The following ERI3 variants were observed in gnomAD, a reference collection of about 807,000 sequenced individuals.
ERI3 encodes ERI1 exoribonuclease 3.
Under a neutral mutation model 44.4 loss-of-function variants are expected in ERI3, and 18 were observed. The observed-to-expected ratio is 0.41, with a 90% CI of 0.28 to 0.60. The LOEUF is 0.60. Ranked by LOEUF, ERI3 falls within the 20% of genes least tolerant of loss-of-function variation. The pLI, the probability that ERI3 is intolerant of heterozygous loss-of-function variation, is 0.36. For missense variants in ERI3, 294 were observed against 435.5 expected (o/e 0.68, Z 2.89); for synonymous variants, 183 against 164.8 (o/e 1.11, Z -0.84).
intron 7 of ERI3, among the ~76,000 whole-genome samples, chr1:44,281,996 CCTGT>C (rs1369814890): frequency 1.3e-5 from 2 of 150,352 alleles, no homozygotes; most frequent in Non-Finnish European, 2.9e-5. Flanking sequence ...GGCCCCAAGT[CCTGT>C]CTAAGATGAC....
At chr1:44,319,597 A>C (rs758301518) in intron 4 of ERI3, 31 bp downstream of exon 4, 2 of 1,512,848 alleles carry the variant, frequency 1.3e-6, no homozygotes, top group Non-Finnish European at 9.2e-7. Flanking sequence ...CCCTCCCAGC[A>C]GCCCCTGCTG....
intron 4 of ERI3, among the ~76,000 whole-genome samples, chr1:44,319,387 C>G (rs1433277615): frequency 2.0e-5 from 3 of 152,240 alleles, no homozygotes; most frequent in Non-Finnish European, 2.9e-5. Context: ...AAGTGCCGGT[C>G]ACCAGGAAGG....
At chr1:44,303,248 C>A (rs1462695764) in intron 6 of ERI3, among the ~76,000 whole-genome samples, 1 of 152,234 alleles carries the variant, frequency 6.6e-6, no homozygotes, top group African/African-American at 2.4e-5. Flanking sequence ...AAATCCAGGG[C>A]TTCCTGACAT....
At chr1:44,353,875 C>T (rs1646944843) in intron 1 of ERI3, 12 of 985,348 alleles carry the variant, frequency 1.2e-5, no homozygotes, top group Non-Finnish European at 1.4e-5. Flanking sequence ...CCCGGCAGCT[C>T]CCTTCCCCCA....
At chr1:44,290,011 G>C (rs1007418532) in intron 6 of ERI3, among the ~76,000 whole-genome samples, 1 of 152,216 alleles carries the variant, frequency 6.6e-6, no homozygotes, top group African/African-American at 2.4e-5. Context: ...TAAGACTTAG[G>C]GGCAGACCCA....
chr1:44,237,900 G>A (rs1263774065), intron 8 of ERI3, among the ~76,000 whole-genome samples: 1 of 152,146 alleles, frequency 6.6e-6, no homozygotes, highest in South Asian at 2.1e-4. Flanking sequence ...CTTGGCTCCC[G>A]GCGGCCGGCA....
rs767994247 is a variant in ERI3 at position 44,354,995 on chromosome 1, C to T, written c.32G>A (p.Gly11Glu). ...CCCTCCTTCCCAGGGCCGCCCCCGCCCCCCGTCAGCAGCGGGAGAGGCTGT... is the reference window on the plus strand; with the variant it reads ...CCCTCCTTCCCAGGGCCGCCCCCGCTCCCCGTCAGCAGCGGGAGAGGCTGT... MATASPAADGGRGRPWEGGLV... is the reference protein window; with the variant it reads MATASPAADGERGRPWEGGLV... The change falls in exon 1 of 9, where the codon GGG becomes GAG. Residue 11 changes from glycine (G) to glutamate (E), a missense_variant. Gly to Glu is a moderately conservative substitution (Grantham distance 98, BLOSUM62 -2). Coordinates refer to ENST00000372257, the MANE Select transcript of ERI3 (RefSeq NM_024066.3). The T allele has an allele frequency of 1.2e-5, 16 of 1,377,142 alleles. No homozygotes were observed. In the South Asian group the frequency reaches 3.1e-4, roughly 26 times the overall value. 85.3% of individuals were successfully genotyped at this position (1,377,142 alleles called of 1,614,324 possible).
intron 7 of ERI3, among the ~76,000 whole-genome samples, chr1:44,271,601 CTAA>C (rs1557806833): frequency 6.6e-6 from 1 of 152,190 alleles, no homozygotes; most frequent in East Asian, 1.9e-4. Flanking sequence ...TGTACAATGG[CTAA>C]TAATAGAACT....
intron 2 of ERI3, among the ~76,000 whole-genome samples, chr1:44,345,087 ATAAAAAGACTCAATCT>A (rs1646758073): frequency 6.6e-6 from 1 of 152,262 alleles, no homozygotes; most frequent in Non-Finnish European, 1.5e-5. Flanking sequence ...ATATGCCTTT[ATAAAAAGACTCAATCT>A]GTATTTACCT....
At position 44,354,971 on chromosome 1, in the gene ERI3, C is replaced by T. The variant is rs1646968599; in HGVS notation, c.56G>A (p.Gly19Glu). ...DGGRGRPWEG[G>E]LVSWPPAPPL... ...AGGGGCGGGGGGCCAGGAGACCAGC[C>T]CTCCTTCCCAGGGCCGCCCCCGCCC... The change falls in exon 1 of 9, where the codon GGG (glycine) becomes GAG (glutamate). Residue 19 changes from glycine to glutamate, a missense_variant. This residue lies in a region of ERI3 where 107 missense variants were observed against 96.9 expected (regional missense o/e 1.10). Transcript: ENST00000372257. 7.3e-7 allele frequency: 1 copy of T among 1,362,850 alleles called. No homozygotes were observed. 84.4% of individuals were successfully genotyped at this position (1,362,850 alleles called of 1,614,324 possible).
At chr1:44,292,571 TCTG>T (rs556275366) in intron 6 of ERI3, among the ~76,000 whole-genome samples, 16 of 152,226 alleles carry the variant, frequency 1.1e-4, no homozygotes, top group African/African-American at 3.9e-4. Context: ...CCATCTCACT[TCTG>T]CTGGTGGGAG....
intron 2 of ERI3, among the ~76,000 whole-genome samples, chr1:44,345,272 A>T (rs1003555502): frequency 6.6e-6 from 1 of 152,208 alleles, no homozygotes; most frequent in Non-Finnish European, 1.5e-5. Context: ...GGGAGTCCTC[A>T]GGATGGGAAA....
At chr1:44,282,894 G>A (rs1024421647) in intron 7 of ERI3, among the ~76,000 whole-genome samples, 1 of 152,164 alleles carries the variant, frequency 6.6e-6, no homozygotes, top group Non-Finnish European at 1.5e-5. Context: ...CAGACTCTGG[G>A]CAGCCTGCCT....
chr1:44,274,987 C>A (rs957312314), intron 7 of ERI3, among the ~76,000 whole-genome samples: 3 of 152,188 alleles, frequency 2.0e-5, no homozygotes, highest in African/African-American at 7.2e-5. Flanking sequence ...ATGGACAATG[C>A]TCTGCACTTT....
At chr1:44,283,215 T>C (rs1185550210) in intron 7 of ERI3, among the ~76,000 whole-genome samples, 1 of 152,188 alleles carries the variant, frequency 6.6e-6, no homozygotes, top group African/African-American at 2.4e-5. Context: ...GGGACCTCTA[T>C]GGAACTAGTT....
At chr1:44,260,945 T>C (rs1392130387) in intron 7 of ERI3, among the ~76,000 whole-genome samples, 1 of 152,176 alleles carries the variant, frequency 6.6e-6, no homozygotes, top group Non-Finnish European at 1.5e-5. Flanking sequence ...GCACTTTGCT[T>C]AACCACGTAT....
At chr1:44,272,006 T>C (rs1645096593) in intron 7 of ERI3, among the ~76,000 whole-genome samples, 1 of 152,186 alleles carries the variant, frequency 6.6e-6, no homozygotes, top group Non-Finnish European at 1.5e-5. Flanking sequence ...ATGTCCTGTA[T>C]GTCTACCTGG....
chr1:44,247,551 TA>T (rs1236014674), intron 8 of ERI3, among the ~76,000 whole-genome samples: 1 of 152,194 alleles, frequency 6.6e-6, no homozygotes, highest in Admixed American at 6.5e-5. Context: ...TCGTCCAGTT[TA>T]GTGGCCACAG....
intron 8 of ERI3, among the ~76,000 whole-genome samples, chr1:44,242,920 G>A (rs776125028): frequency 1.3e-5 from 2 of 152,236 alleles, no homozygotes; most frequent in Admixed American, 6.5e-5. Context: ...CCCAGTGAGC[G>A]TGGCGGCAGA....
Sources: allele counts gnomAD v4.1 joint callset (sites outside exome capture counted in the v4.1 genomes callset), GRCh38; gene constraint gnomAD v4.1.1; regional missense constraint gnomAD v4.1.1; transcripts MANE v1.5; gene names NCBI Gene and HGNC (gene_info 2026-07-23, HGNC 2026-07-21).